Variants in GALNT7 observed in about 807,000 individuals in gnomAD.
The protein encoded by GALNT7 is N-acetylgalactosaminyltransferase 7.
A neutral mutation model predicts 82.1 loss-of-function variants in GALNT7; 60 were observed. That is an observed-to-expected ratio of 0.73 (90% confidence interval 0.59 to 0.91). The LOEUF is 0.91. Ranked by LOEUF, GALNT7 falls within the 40% of genes least tolerant of loss-of-function variation. GALNT7 has a pLI of 0.00. For synonymous variants in GALNT7, 243 were observed against 275.1 expected, an observed-to-expected ratio of 0.88 and a Z score of 1.15; for missense variants, 660 against 804.2, an observed-to-expected ratio of 0.82 and a Z score of 2.17.
At position 173,322,287 on chromosome 4, in the gene GALNT7, A is replaced by C. The variant is rs779972925; in HGVS notation, c.*570A>C. 2 of 152,856 alleles carry C rather than the reference A, an allele frequency of 1.3e-5. No individual in the cohort carries two copies. The highest frequency in any genetic ancestry group is 2.9e-5 in the Non-Finnish European group (2 of 68,184). The allele number at this position is 152,856 out of a possible 1,614,324, so 9.5% of individuals were successfully genotyped here. On this transcript the variant is annotated 3_prime_UTR_variant, in exon 12 of 12. Coordinates refer to ENST00000265000, the MANE Select transcript of GALNT7 (RefSeq NM_017423.3). ...CTTTCATTTCTCAGTATATATTTCA[A>C]GAGCTTGTGATGAAATCTATAGGAT...
intron 1 of GALNT7, among the ~76,000 whole-genome samples, chr4:173,243,091 T>G (rs1734490554): frequency 1.3e-5 from 2 of 152,344 alleles, no homozygotes; most frequent in East Asian, 3.9e-4. Flanking sequence ...AAGCTCATCA[T>G]TAAAAGCTTA....
chr4:173,302,136 G>T lies in GALNT7; in HGVS notation c.1238G>T (p.Gly413Val), dbSNP rs1736965309. The T allele has an allele frequency of 6.4e-7, 1 of 1,559,080 alleles. No homozygotes were observed. Among genetic ancestry groups the T allele is most frequent in the Non-Finnish European group, 8.8e-7 (1 of 1,129,990 alleles). Reference sequence around the variant, plus strand: ...TATGATCCAGGTCTCCAGATTTGGGGTGGTGAAAACTTTGAGATCTCATAC... The same window carrying T: ...TATGATCCAGGTCTCCAGATTTGGGTTGGTGAAAACTTTGAGATCTCATAC... ...GLYDPGLQIW[G>V]GENFEISYKI... Residue 413 changes from glycine (G) to valine (V), a missense_variant, in exon 7 of 12, where the codon GGT becomes GTT. Around this residue, in one of 2 missense-constraint regions of GALNT7, gnomAD observed 527 missense variants for 683.5 expected, o/e 0.77. Coordinates refer to ENST00000265000, the MANE Select transcript of GALNT7 (RefSeq NM_017423.3). This position sits in a 1 kb window ranked among gnomAD's most constrained non-coding sequence, Gnocchi z 4.2.
chr4:173,279,090 A>G (rs1342647256), intron 2 of GALNT7, among the ~76,000 whole-genome samples: 1 of 152,192 alleles, frequency 6.6e-6, no homozygotes, highest in African/African-American at 2.4e-5. Context: ...CCATTCTTGC[A>G]TTGCTGTAAA....
intron 1 of GALNT7, among the ~76,000 whole-genome samples, chr4:173,228,746 A>T (rs1225924037): frequency 1.3e-5 from 2 of 152,162 alleles, no homozygotes; most frequent in African/African-American, 4.8e-5. Context: ...AGGGTCTAAG[A>T]TCTTTGTGAC....
chr4:173,176,417 C>G (rs1010995212), intron 1 of GALNT7, among the ~76,000 whole-genome samples: 1 of 152,152 alleles, frequency 6.6e-6, no homozygotes, highest in Admixed American at 6.5e-5. Flanking sequence ...ACATTTGCTG[C>G]CCATTAGCCA....
At chr4:173,207,712 A>G (rs570994992) in intron 1 of GALNT7, among the ~76,000 whole-genome samples, 37 of 152,332 alleles carry the variant, frequency 2.4e-4, no homozygotes, top group Admixed American at 9.8e-4. Context: ...TGCTCTCCCT[A>G]CTGATCCACA....
At chr4:173,215,800 A>G (rs1157556454) in intron 1 of GALNT7, among the ~76,000 whole-genome samples, 1 of 152,186 alleles carries the variant, frequency 6.6e-6, no homozygotes, top group Non-Finnish European at 1.5e-5. Flanking sequence ...TTTTACAAAT[A>G]CTCAGACCTT....
chr4:173,190,663 C>CT (rs1201034118), intron 1 of GALNT7, among the ~76,000 whole-genome samples: 2 of 151,754 alleles, frequency 1.3e-5, no homozygotes, highest in Non-Finnish European at 2.9e-5. Flanking sequence ...TAGGGCCAGG[C>CT]TTTAAGTTTT....
chr4:173,179,124 A>G (rs974104788), intron 1 of GALNT7, among the ~76,000 whole-genome samples: 4 of 152,226 alleles, frequency 2.6e-5, no homozygotes, highest in Non-Finnish European at 5.9e-5. Flanking sequence ...CTATGTATTC[A>G]CTGGTAAAGC....
chr4:173,283,911 C>T (rs879578245), intron 2 of GALNT7, among the ~76,000 whole-genome samples: 1 of 152,208 alleles, frequency 6.6e-6, no homozygotes, highest in Non-Finnish European at 1.5e-5. Context: ...ATACTTACAA[C>T]CAGTTTCTGA....
chr4:173,262,587 T>C (rs1735316623), intron 2 of GALNT7, among the ~76,000 whole-genome samples: 1 of 152,206 alleles, frequency 6.6e-6, no homozygotes, highest in South Asian at 2.1e-4. Flanking sequence ...TCAGTTGTTT[T>C]TGTTGAAGTG....
In GALNT7 at chr4:173,298,118, C is replaced by T. The variant is rs144533415; in HGVS notation, c.969C>T (p.Thr323=). ...TGCTGCCATCAACACAATACAGAACCATTTGCACTGTGCCGCTTATAGATG... is the reference window on the plus strand; with the variant it reads ...TGCTGCCATCAACACAATACAGAACTATTTGCACTGTGCCGCTTATAGATG... ...PLVAPISKDR[T]ICTVPLIDVI... is the part of the protein sequence containing the mutation. Residue 323 remains threonine, a synonymous_variant, in exon 6 of 12, where the codon ACC becomes ACT. Coordinates refer to ENST00000265000, the MANE Select transcript of GALNT7 (RefSeq NM_017423.3). 4.8e-5 allele frequency: 78 copies of T among 1,613,650 alleles called. No homozygotes were observed. The African/African-American group carries it at 9.6e-4, about 20-fold the overall frequency.
chr4:173,323,571 TAAGA>T lies in GALNT7; in HGVS notation c.*1858_*1861del, dbSNP rs1177143721. The stretch of plus-strand genomic sequence containing the variant: ...TAACCTTATTAACTATGCATAGGCC[TAAGA>T]AAGGTGGCAATGAACTGTGCATGTA... On this transcript the variant is annotated 3_prime_UTR_variant, in exon 12 of 12. Transcript: ENST00000265000. 3 of 152,580 alleles carry T rather than the reference TAAGA, an allele frequency of 2.0e-5. No homozygotes were observed. Among genetic ancestry groups the T allele is most frequent in the Non-Finnish European group, 4.4e-5 (3 of 67,988 alleles). 9.5% of individuals were successfully genotyped at this position (152,580 alleles called of 1,614,324 possible).
chr4:173,189,929 A>G (rs1167143360), intron 1 of GALNT7, among the ~76,000 whole-genome samples: 1 of 152,222 alleles, frequency 6.6e-6, no homozygotes, highest in African/African-American at 2.4e-5. Context: ...AGGGATAGTA[A>G]ATATTTGAAG....
chr4:173,312,056 G>A (rs1349618178), intron 8 of GALNT7, among the ~76,000 whole-genome samples: 3 of 152,090 alleles, frequency 2.0e-5, no homozygotes, highest in Non-Finnish European at 4.4e-5. Context: ...TATTATCTAC[G>A]GTTACTTTCT....
At chr4:173,274,027 G>A (rs1189872283) in intron 2 of GALNT7, among the ~76,000 whole-genome samples, 1 of 152,186 alleles carries the variant, frequency 6.6e-6, no homozygotes, top group South Asian at 2.1e-4. Context: ...TGGCATGTAA[G>A]CTCATATTTG....
intron 1 of GALNT7, among the ~76,000 whole-genome samples, chr4:173,215,104 A>G (rs916720196): frequency 2.6e-5 from 4 of 152,140 alleles, no homozygotes; most frequent in African/African-American, 4.8e-5. Context: ...TATCTCTTGT[A>G]TTCCCACAGC....
At chr4:173,279,350 C>T (rs1736027214) in intron 2 of GALNT7, among the ~76,000 whole-genome samples, 1 of 152,076 alleles carries the variant, frequency 6.6e-6, no homozygotes, top group Non-Finnish European at 1.5e-5. Context: ...GAGGAGAGCA[C>T]CAAGAGGATG....
intron 1 of GALNT7, among the ~76,000 whole-genome samples, chr4:173,216,416 C>T (rs1733465354): frequency 6.6e-6 from 1 of 151,942 alleles, no homozygotes; most frequent in South Asian, 2.1e-4. Context: ...CGTCTGTGTT[C>T]GAATCCTGAC....
Sources: gnomAD v4.1 joint callset for allele counts (sites outside exome capture counted in the v4.1 genomes callset) on GRCh38, gnomAD v4.1.1 for gene constraint, gnomAD v4.1.1 regional missense constraint, Gnocchi (gnomAD v3.1) non-coding constraint, MANE v1.5 for transcripts, NCBI Gene and HGNC (gene_info 2026-07-23, HGNC 2026-07-21) for gene names.